FAT3: variants seen among roughly 807,000 people sequenced by gnomAD.
FAT3 encodes FAT atypical cadherin 3, also known as protocadherin Fat 3.
Under a neutral mutation model 310.2 loss-of-function variants are expected in FAT3, and 95 were observed. The observed-to-expected ratio is 0.31, with a 90% CI of 0.26 to 0.36. The LOEUF (loss-of-function observed/expected upper bound fraction) is 0.36, where lower values mean the gene tolerates loss of function less well. Among genes scored for constraint, FAT3 ranks in the 10% least tolerant of loss-of-function variants. The pLI, the probability that FAT3 is intolerant of heterozygous loss-of-function variation, is 1.00. For synonymous variants in FAT3, 2,314 were observed against 2,192.9 expected (o/e 1.06, Z -1.54); for missense variants, 5,408 against 5,715.6 (o/e 0.95, Z 1.74).
At chr11:92,653,542 C>T (rs1322052439) in intron 3 of FAT3, among the ~76,000 whole-genome samples, 1 of 152,116 alleles carries the variant, frequency 6.6e-6, no homozygotes, top group Non-Finnish European at 1.5e-5. Context: ...ATCTGCTTTC[C>T]AAAAATTTAC....
Position 92,801,896 on chromosome 11 carries a change from C to T in FAT3, c.8883C>T (p.Ser2961=), listed in dbSNP as rs746647207. Residue 2961 remains serine (S), a synonymous_variant, in exon 10 of 28, where the codon AGC becomes AGT. Coordinates refer to ENST00000525166, the MANE Select transcript of FAT3 (RefSeq NM_001367949.2). ...CATCCGACGTTAATCGCCAAGTGAGCTACCATATTACAGGTGAGTAAATAC... is the reference window on the plus strand; with the variant it reads ...CATCCGACGTTAATCGCCAAGTGAGTTACCATATTACAGGTGAGTAAATAC... ...RDTSDVNRQV[S]YHITGGNPRG... 56 of 1,613,384 alleles carry T rather than the reference C, an allele frequency of 3.5e-5. 1 individual carries two copies. The highest frequency in any genetic ancestry group is 4.7e-5 in the Non-Finnish European group (55 of 1,179,594).
At chr11:92,386,096 G>A (rs909724964) in intron 2 of FAT3, among the ~76,000 whole-genome samples, 4 of 152,152 alleles carry the variant, frequency 2.6e-5, no homozygotes, top group African/African-American at 4.8e-5. Context: ...TGCAGTGAGT[G>A]CCACTGCACT....
At chr11:92,870,712 A>G (rs1478156402) in intron 22 of FAT3, among the ~76,000 whole-genome samples, 2 of 152,192 alleles carry the variant, frequency 1.3e-5, no homozygotes, top group Admixed American at 6.5e-5. Flanking sequence ...TCACCATGCC[A>G]TAAATAGTCA....
chr11:92,803,527 A>G (rs3912650), intron 10 of FAT3, among the ~76,000 whole-genome samples: 131,344 of 152,228 alleles, frequency 0.86, 56,735 homozygotes, highest in East Asian at 0.94. Context: ...GCCAGTGGTG[A>G]AGGAAAGTGA....
chr11:92,402,243 GA>G (rs563065110), intron 2 of FAT3, among the ~76,000 whole-genome samples: 34 of 152,194 alleles, frequency 2.2e-4, no homozygotes, highest in African/African-American at 7.0e-4. Context: ...ACAACCACGG[GA>G]AAAAATATTG....
intron 2 of FAT3, among the ~76,000 whole-genome samples, chr11:92,469,806 C>T (rs1374217159): frequency 6.6e-6 from 1 of 152,034 alleles, no homozygotes; most frequent in Non-Finnish European, 1.5e-5. Flanking sequence ...TGAGCCACCG[C>T]ACCTGGCCTA....
intron 2 of FAT3, among the ~76,000 whole-genome samples, chr11:92,446,075 A>G (rs930192146): frequency 1.3e-5 from 2 of 152,196 alleles, no homozygotes; most frequent in Admixed American, 1.3e-4. Context: ...TGTGCAGTCA[A>G]ATATATATGC....
Position 92,405,924 on chromosome 11 carries a change from T to C in FAT3, c.3292+50520T>C, listed in dbSNP as rs150022465. ...CAGTGAGCAGTGAAATTCTGCTTTC[T>C]TTAGCAAAATTGTTTTGTTTTGAGC... On this transcript the variant is annotated intron_variant, in intron 2 of 27. Coordinates refer to ENST00000525166, the MANE Select transcript of FAT3 (RefSeq NM_001367949.2). 6.4e-3 allele frequency among the ~76,000 whole-genome samples: 969 copies of C among 152,340 alleles called. 18 individuals carry two copies. The highest frequency in any genetic ancestry group is 0.022 in the African/African-American group (900 of 41,580).
intron 2 of FAT3, among the ~76,000 whole-genome samples, chr11:92,473,789 C>G (rs1951973270): frequency 6.6e-6 from 1 of 152,180 alleles, no homozygotes; most frequent in Non-Finnish European, 1.5e-5. Flanking sequence ...GCAAGAAACT[C>G]AGAATGCTTT....
rs1316180558 is a variant in FAT3 at position 92,512,905 on chromosome 11, G to A, written c.3293-11729G>A. ...TGGGAGGCCGAGGCGGGCGGATCAC[G>A]AGGTCAGGAGATCGAGACCATCCTG... On this transcript the variant is annotated intron_variant, in intron 2 of 27. Coordinates refer to ENST00000525166, the MANE Select transcript of FAT3 (RefSeq NM_001367949.2). Among the ~76,000 whole-genome samples, 2 of 89,886 alleles carry A rather than the reference G, an allele frequency of 2.2e-5. 1 individual carries two copies. The highest frequency in any genetic ancestry group is 4.4e-5 in the Non-Finnish European group (2 of 45,204). 59.0% of individuals were successfully genotyped at this position (89,886 alleles called of 152,430 possible).
At chr11:92,543,405 A>G (rs1456639563) in intron 3 of FAT3, among the ~76,000 whole-genome samples, 2 of 152,152 alleles carry the variant, frequency 1.3e-5, no homozygotes, top group Non-Finnish European at 2.9e-5. Context: ...TTATTTTTAC[A>G]CAATGTATTC....
chr11:92,275,038 G>A (rs553792653), intron 1 of FAT3, among the ~76,000 whole-genome samples: 3 of 152,174 alleles, frequency 2.0e-5, no homozygotes, highest in Non-Finnish European at 2.9e-5. Flanking sequence ...GGTATTTAGC[G>A]CAACATGCAA....
At chr11:92,569,080 G>A (rs1955579211) in intron 3 of FAT3, among the ~76,000 whole-genome samples, 2 of 152,106 alleles carry the variant, frequency 1.3e-5, no homozygotes, top group African/African-American at 4.8e-5. Flanking sequence ...GAACTTCACT[G>A]TGCTTATTTC....
intron 1 of FAT3, among the ~76,000 whole-genome samples, chr11:92,251,758 C>A (rs1865151509): frequency 6.6e-6 from 1 of 152,040 alleles, no homozygotes; most frequent in Non-Finnish European, 1.5e-5. Context: ...CTTTCTCAAG[C>A]CCCAGGGGTA....
At chr11:92,384,093 T>C (rs1388159802) in intron 2 of FAT3, among the ~76,000 whole-genome samples, 1 of 152,170 alleles carries the variant, frequency 6.6e-6, no homozygotes, top group Non-Finnish European at 1.5e-5. Flanking sequence ...TGTGCAGACT[T>C]AAGTGTGGTA....
At chr11:92,470,840 A>C (rs1259164575) in intron 2 of FAT3, among the ~76,000 whole-genome samples, 1 of 152,306 alleles carries the variant, frequency 6.6e-6, no homozygotes, top group Non-Finnish European at 1.5e-5. Context: ...TCATCCCATT[A>C]TTTTTATATG....
chr11:92,521,198 T>G (rs1174889169), intron 2 of FAT3, among the ~76,000 whole-genome samples: 1 of 152,130 alleles, frequency 6.6e-6, no homozygotes, highest in Non-Finnish European at 1.5e-5. Flanking sequence ...TGGCAGGTAG[T>G]CAGGCAAGGT....
chr11:92,464,699 C>T (rs899008357), intron 2 of FAT3, among the ~76,000 whole-genome samples: 1 of 152,144 alleles, frequency 6.6e-6, no homozygotes, highest in Non-Finnish European at 1.5e-5. Context: ...AAGGATAAGT[C>T]GGAAAAATAA....
chr11:92,251,726 ACTGTGC>A (rs1329938226), intron 1 of FAT3, among the ~76,000 whole-genome samples: 1 of 79,852 alleles, frequency 1.3e-5, no homozygotes, highest in East Asian at 5.0e-4. Context: ...TTGAGTGCCT[ACTGTGC>A]CTACTTCTAG....
Sources: gnomAD v4.1 joint callset for allele counts (sites outside exome capture counted in the v4.1 genomes callset) on GRCh38, gnomAD v4.1.1 for gene constraint, MANE v1.5 for transcripts, NCBI Gene and HGNC (gene_info 2026-07-23, HGNC 2026-07-21) for gene names.